WWOX: variants seen among roughly 807,000 people sequenced by gnomAD.
WWOX encodes WW domain containing oxidoreductase, also known as WW domain-containing oxidoreductase.
Under a neutral mutation model 46.2 loss-of-function variants are expected in WWOX, and 69 were observed. That is an observed-to-expected ratio of 1.49 (90% CI 1.23 to 1.82). WWOX has a LOEUF of 1.82. Among genes scored for constraint, WWOX ranks in the 40% most tolerant of loss-of-function variants. The pLI is 0.00. For missense variants in WWOX, 919 were observed against 542.6 expected, an observed-to-expected ratio of 1.69 and a Z score of -6.89; for synonymous variants, 359 against 202.6, an observed-to-expected ratio of 1.77 and a Z score of -6.56.
chr16:78,306,895 G>C (rs1353618607), intron 5 of WWOX, among the ~76,000 whole-genome samples: 1 of 152,064 alleles, frequency 6.6e-6, no homozygotes, highest in African/African-American at 2.4e-5. Context: ...AACCCCACTT[G>C]TGTAGTGTGT....
At chr16:78,680,741 G>C (rs2047710368) in intron 8 of WWOX, among the ~76,000 whole-genome samples, 1 of 152,286 alleles carries the variant, frequency 6.6e-6, no homozygotes, top group South Asian at 2.1e-4. Flanking sequence ...CGTGACAGTA[G>C]AGTGTCCCAT....
chr16:78,144,464 CACACATATATATATATATATAT>C lies in WWOX; in HGVS notation c.410-19713_410-19692del, dbSNP rs1567596347. On this transcript the variant is annotated intron_variant, in intron 4 of 8. Transcript: ENST00000566780. The stretch of plus-strand genomic sequence containing the variant: ...ATATATATACACATATATATATATA[CACACATATATATATATATATAT>C]ACACACACACACACATATATATATA... 1.2e-3 allele frequency among the ~76,000 whole-genome samples: 21 copies of C among 17,968 alleles called. 3 individuals carry two copies. The East Asian group carries it at 0.018, about 15-fold the overall frequency. 11.8% of individuals were successfully genotyped at this position (17,968 alleles called of 152,430 possible).
intron 8 of WWOX, among the ~76,000 whole-genome samples, chr16:78,559,148 G>A (rs925675594): frequency 6.6e-6 from 1 of 152,204 alleles, no homozygotes; most frequent in Non-Finnish European, 1.5e-5. Context: ...CTTCCCAGGT[G>A]CTTCAGCAGT....
chr16:78,633,692 G>A (rs1282127193), intron 8 of WWOX, among the ~76,000 whole-genome samples: 5 of 152,138 alleles, frequency 3.3e-5, no homozygotes, highest in Admixed American at 3.3e-4. Context: ...GTGCTTTTAT[G>A]CTTCGCTGTG....
At chr16:78,700,312 CAGAGAGAGAG>C (rs55638553) in intron 8 of WWOX, among the ~76,000 whole-genome samples, 3,473 of 130,496 alleles carry the variant, frequency 0.027, 103 homozygotes, top group South Asian at 0.069. Context: ...ACTTAGTAGA[CAGAGAGAGAG>C]AGAGAGAGAG....
In WWOX at chr16:78,750,137, TAGTG is replaced by T. The variant is rs748838952; in HGVS notation, c.1056+317388_1056+317391del. 2.2e-4 allele frequency among the ~76,000 whole-genome samples: 34 copies of T among 152,294 alleles called. No homozygotes were observed. In the East Asian group the frequency reaches 2.5e-3, roughly 11 times the overall value. On this transcript the variant is annotated intron_variant, in intron 8 of 8. Transcript: ENST00000566780. ...AGGAAGAAGAGAAATGAAAATAAAA[TAGTG>T]AGCAACACCTCGGTGAAAGTAGAGG... is the stretch of plus-strand genomic sequence containing the variant.
chr16:78,761,933 T>C (rs910922111), intron 8 of WWOX, among the ~76,000 whole-genome samples: 2 of 152,180 alleles, frequency 1.3e-5, no homozygotes, highest in African/African-American at 4.8e-5. Flanking sequence ...AGGGGATCAA[T>C]TATATACATA....
At chr16:78,601,546 G>A (rs187117827) in intron 8 of WWOX, among the ~76,000 whole-genome samples, 2 of 152,202 alleles carry the variant, frequency 1.3e-5, no homozygotes, top group Non-Finnish European at 2.9e-5. Flanking sequence ...CAAATTGTAA[G>A]GTCTTTTTAT....
chr16:78,706,213 A>G (rs1368824724), intron 8 of WWOX, among the ~76,000 whole-genome samples: 3 of 152,136 alleles, frequency 2.0e-5, no homozygotes, highest in Admixed American at 2.0e-4. Context: ...GTTTTCGTGC[A>G]TATGTGTAGC....
At chr16:78,934,349 A>AAAAAAAAAAAAAAAAAG (rs1380470282) in intron 8 of WWOX, among the ~76,000 whole-genome samples, 1 of 148,316 alleles carries the variant, frequency 6.7e-6, no homozygotes, top group Non-Finnish European at 1.5e-5. Context: ...AAAAAAAAAA[A>AAAAAAAAAAAAAAAAAG]AAGAAGAAAC....
intron 8 of WWOX, among the ~76,000 whole-genome samples, chr16:78,438,453 C>A (rs371448217): frequency 1.1e-4 from 15 of 140,026 alleles, no homozygotes; most frequent in African/African-American, 4.6e-4. Context: ...CCACCGCCAA[C>A]CCCACCTTTT....
chr16:78,977,768 G>A (rs1240139856), intron 8 of WWOX, among the ~76,000 whole-genome samples: 3 of 152,150 alleles, frequency 2.0e-5, no homozygotes, highest in Middle Eastern at 3.4e-3. Context: ...CCCCTTCCTA[G>A]GATCCCAAAC....
intron 8 of WWOX, among the ~76,000 whole-genome samples, chr16:79,036,185 C>T (rs951570383): frequency 1.3e-5 from 2 of 152,202 alleles, no homozygotes; most frequent in Non-Finnish European, 1.5e-5. Context: ...GTTTCACCCT[C>T]TTCAAGTAGC....
intron 8 of WWOX, among the ~76,000 whole-genome samples, chr16:78,864,694 G>A (rs1269662970): frequency 1.4e-5 from 2 of 147,840 alleles, no homozygotes; most frequent in African/African-American, 5.0e-5. Context: ...ACACATCACA[G>A]ATGAACAATG....
At chr16:78,764,931 C>T (rs2049892566) in intron 8 of WWOX, among the ~76,000 whole-genome samples, 2 of 152,148 alleles carry the variant, frequency 1.3e-5, no homozygotes, top group Non-Finnish European at 2.9e-5. Context: ...CTGCATTGTG[C>T]CTTTAGGGCA....
chr16:78,288,202 G>A (rs954912824), intron 5 of WWOX, among the ~76,000 whole-genome samples: 1 of 151,354 alleles, frequency 6.6e-6, no homozygotes, highest in East Asian at 1.9e-4. Context: ...TAATATGGCC[G>A]GTGAAACATG....
intron 8 of WWOX, among the ~76,000 whole-genome samples, chr16:78,791,381 T>G (rs183038568): frequency 6.6e-6 from 1 of 152,256 alleles, no homozygotes; most frequent in Non-Finnish European, 1.5e-5. Context: ...GAGCAGCCGA[T>G]CTGAGACTGG....
At chr16:78,837,760 C>T (rs995459941) in intron 8 of WWOX, among the ~76,000 whole-genome samples, 2 of 151,920 alleles carry the variant, frequency 1.3e-5, no homozygotes, top group African/African-American at 2.4e-5. Context: ...ATAACAATAG[C>T]CACCATCTAT....
intron 5 of WWOX, among the ~76,000 whole-genome samples, chr16:78,368,970 C>T (rs12918436): frequency 0.5 from 76,485 of 151,984 alleles, 20,943 homozygotes; most frequent in Non-Finnish European, 0.62. Flanking sequence ...GTCTGCCTTT[C>T]TCTGCATTTC....
Sources: gnomAD v4.1 joint callset for allele counts (sites outside exome capture counted in the v4.1 genomes callset) on GRCh38, gnomAD v4.1.1 for gene constraint, MANE v1.5 for transcripts, NCBI Gene and HGNC (gene_info 2026-07-23, HGNC 2026-07-21) for gene names.